VPS41: variants seen among roughly 807,000 people sequenced by gnomAD.
The protein encoded by VPS41 is vacuolar protein sorting-associated protein 41 homolog.
In VPS41, 85 loss-of-function variants were observed where a neutral mutation model predicts 130.9. That is an observed-to-expected ratio of 0.65 (90% CI 0.55 to 0.78). The LOEUF (loss-of-function observed/expected upper bound fraction) is 0.78. Among genes scored for constraint, VPS41 ranks in the 30% least tolerant of loss-of-function variants. The pLI is 0.00. For missense variants in VPS41, 874 were observed against 1,018.7 expected (o/e 0.86, Z 1.93); for synonymous variants, 335 against 332.9 (o/e 1.01, Z -0.07).
At chr7:38,823,097 C>T (rs1253504763) in intron 5 of VPS41, among the ~76,000 whole-genome samples, 1 of 152,154 alleles carries the variant, frequency 6.6e-6, no homozygotes, top group African/African-American at 2.4e-5. Context: ...TGTGTTGAAA[C>T]CTAACCTCCA....
chr7:38,774,549 G>A (rs1292593632), intron 11 of VPS41, among the ~76,000 whole-genome samples: 1 of 150,330 alleles, frequency 6.7e-6, no homozygotes, highest in Non-Finnish European at 1.5e-5. Context: ...TGAAACAACT[G>A]AAAAAAAATG....
intron 1 of VPS41, among the ~76,000 whole-genome samples, chr7:38,902,284 C>T (rs1356289039): frequency 1.3e-5 from 2 of 152,134 alleles, no homozygotes; most frequent in Non-Finnish European, 2.9e-5. Flanking sequence ...AGTCAAAGTC[C>T]TTCCCAGTCT....
chr7:38,749,970 C>T (rs1796061161), intron 22 of VPS41, among the ~76,000 whole-genome samples: 2 of 151,664 alleles, frequency 1.3e-5, no homozygotes, highest in Non-Finnish European at 2.9e-5. Flanking sequence ...TCAAGACTTC[C>T]TCCTCCCTCA....
At chr7:38,741,509 C>A (rs1047540995) in intron 25 of VPS41, among the ~76,000 whole-genome samples, 1 of 152,084 alleles carries the variant, frequency 6.6e-6, no homozygotes, top group African/African-American at 2.4e-5. Context: ...AAATAAAATC[C>A]TATATTTTAA....
At chr7:38,875,063 A>G (rs1245481458) in intron 2 of VPS41, among the ~76,000 whole-genome samples, 1 of 152,186 alleles carries the variant, frequency 6.6e-6, no homozygotes, top group African/African-American at 2.4e-5. Flanking sequence ...AAATACAAAT[A>G]AATTTTTAAG....
chr7:38,877,226 A>G (rs1372410955), intron 2 of VPS41, among the ~76,000 whole-genome samples: 1 of 152,194 alleles, frequency 6.6e-6, no homozygotes, highest in African/African-American at 2.4e-5. Context: ...CTTTTCTAAG[A>G]CATTCTCATT....
intron 4 of VPS41, among the ~76,000 whole-genome samples, chr7:38,836,631 G>A (rs1785501353): frequency 2.0e-5 from 3 of 152,018 alleles, no homozygotes; most frequent in Admixed American, 1.3e-4. Context: ...TTTATTTGGA[G>A]TGATTTTTGA....
chr7:38,870,739 CAAAAAAAAAAA>C (rs70977434), intron 2 of VPS41, among the ~76,000 whole-genome samples: 9 of 29,742 alleles, frequency 3.0e-4, no homozygotes, highest in South Asian at 1.4e-3. Flanking sequence ...ACTATATGTT[CAAAAAAAAAAA>C]AAAAAAAAAA....
intron 27 of VPS41, among the ~76,000 whole-genome samples, chr7:38,728,161 C>T (rs1795584846): frequency 6.6e-6 from 1 of 152,056 alleles, no homozygotes; most frequent in African/African-American, 2.4e-5. Context: ...TTGTTTTTAC[C>T]CTAGACTAGC....
In VPS41 at chr7:38,754,898, A is replaced by G; in HGVS notation, c.1734T>C (p.Ile578=). The G allele has an allele frequency of 6.2e-7, 1 of 1,613,672 alleles. No individual in the cohort carries two copies. Among genetic ancestry groups the G allele is most frequent in the South Asian group, 1.1e-5 (1 of 91,064 alleles). ...VDMLLDNEDK[I]SIKKVVEELE... ...TATAAAAACAAATGACACTCACTGA[A>G]ATTTTATCTTCATTGTCCAAAAGCA... Residue 578 remains isoleucine, a synonymous_variant, in exon 20 of 29, where the codon ATT becomes ATC. Coordinates refer to ENST00000310301, the MANE Select transcript of VPS41 (RefSeq NM_014396.4).
chr7:38,800,331 T>C (rs1025175820), intron 7 of VPS41, among the ~76,000 whole-genome samples: 3 of 152,216 alleles, frequency 2.0e-5, no homozygotes, highest in African/African-American at 7.2e-5. Flanking sequence ...TCACATATAT[T>C]ATAAAATCTA....
In VPS41 at chr7:38,890,075, A is replaced by G. The variant is rs141593177; in HGVS notation, c.60+8016T>C. Among the ~76,000 whole-genome samples the G allele has an allele frequency of 4.9e-3, 749 of 152,306 alleles. 7 individuals carry two copies. The highest frequency in any genetic ancestry group is 0.016 in the African/African-American group (674 of 41,562). On this transcript the variant is annotated intron_variant, in intron 2 of 28. Coordinates refer to ENST00000310301, the MANE Select transcript of VPS41 (RefSeq NM_014396.4). Reference sequence around the variant, plus strand: ...AAATTATACAAAGGAACTAAAAAATATTATAAATTAAGATGGAATCCTAAA... The same window carrying G: ...AAATTATACAAAGGAACTAAAAAATGTTATAAATTAAGATGGAATCCTAAA...
intron 9 of VPS41, among the ~76,000 whole-genome samples, chr7:38,793,816 C>T (rs1784575149): frequency 6.6e-6 from 1 of 152,104 alleles, no homozygotes; most frequent in Admixed American, 6.5e-5. Context: ...ACTGCCTTCT[C>T]CTCCTCTCTT....
chr7:38,773,695 C>G (rs1275265007), intron 12 of VPS41, among the ~76,000 whole-genome samples: 1 of 152,182 alleles, frequency 6.6e-6, no homozygotes, highest in Non-Finnish European at 1.5e-5. Flanking sequence ...AGAAGTCTTT[C>G]AGGCTCTGAG....
intron 7 of VPS41, among the ~76,000 whole-genome samples, chr7:38,814,186 G>A (rs1454880192): frequency 6.6e-6 from 1 of 152,164 alleles, no homozygotes; most frequent in Non-Finnish European, 1.5e-5. Context: ...GTCTGCAAAT[G>A]ATATCAAATG....
At chr7:38,758,280 T>C in intron 18 of VPS41, 74 bp downstream of exon 18, 1 of 1,396,012 alleles carries the variant, frequency 7.2e-7, no homozygotes, top group Non-Finnish European at 9.7e-7. Flanking sequence ...CCACTTGGAG[T>C]TTGCCAAATC....
At chr7:38,877,266 T>G (rs1194146118) in intron 2 of VPS41, among the ~76,000 whole-genome samples, 1 of 152,114 alleles carries the variant, frequency 6.6e-6, no homozygotes, top group South Asian at 2.1e-4. Flanking sequence ...ATCCAAATCA[T>G]AGAATATTAA....
chr7:38,838,560 T>C (rs1785542533), intron 4 of VPS41, among the ~76,000 whole-genome samples: 1 of 152,194 alleles, frequency 6.6e-6, no homozygotes, highest in Non-Finnish European at 1.5e-5. Flanking sequence ...ATAAGTGAGT[T>C]TGTTCAAAAA....
intron 2 of VPS41, among the ~76,000 whole-genome samples, chr7:38,895,070 C>T (rs1786951957): frequency 6.6e-6 from 1 of 152,122 alleles, no homozygotes; most frequent in Non-Finnish European, 1.5e-5. Flanking sequence ...GCCTATAATC[C>T]CAACACTTTG....
Sources: allele counts gnomAD v4.1 joint callset (sites outside exome capture counted in the v4.1 genomes callset), GRCh38; gene constraint gnomAD v4.1.1; transcripts MANE v1.5; gene names NCBI Gene and HGNC (gene_info 2026-07-23, HGNC 2026-07-21).